The following PTPRD variants were observed in gnomAD, a reference collection of about 807,000 sequenced individuals.
PTPRD encodes protein tyrosine phosphatase receptor type D.
Under a neutral mutation model 214.5 loss-of-function variants are expected in PTPRD, and 34 were observed. The ratio of observed to expected loss-of-function variants is 0.16; its 90% CI spans 0.12 to 0.21. PTPRD has a LOEUF of 0.21. PTPRD is among the 10% of genes least tolerant of loss of function. The probability of loss-of-function intolerance (pLI) is 1.00; values close to 1 mark genes in which losing one functional copy is unlikely to be tolerated. For missense variants in PTPRD, 2,545 were observed against 2,398.7 expected (o/e 1.06, Z -1.27); for synonymous variants, 1,128 against 845.7 (o/e 1.33, Z -5.79).
chr9:9,302,628 G>C (rs1268554068), intron 9 of PTPRD, among the ~76,000 whole-genome samples: 1 of 99,652 alleles, frequency 1.0e-5, no homozygotes, highest in Non-Finnish European at 2.1e-5. Flanking sequence ...GTCTTTCCTG[G>C]TGTTCTGTCC....
intron 5 of PTPRD, among the ~76,000 whole-genome samples, chr9:9,927,136 A>G (rs1310823990): frequency 2.0e-5 from 3 of 152,190 alleles, no homozygotes; most frequent in Non-Finnish European, 4.4e-5. Flanking sequence ...CTTAACCAGT[A>G]TAAAATATTG....
intron 2 of PTPRD, among the ~76,000 whole-genome samples, chr9:10,578,646 G>C (rs1167026553): frequency 6.6e-6 from 1 of 152,078 alleles, no homozygotes; most frequent in African/African-American, 2.4e-5. Context: ...GTAAATAATT[G>C]AGATTTTGTC....
intron 9 of PTPRD, among the ~76,000 whole-genome samples, chr9:9,279,416 C>T (rs147707745): frequency 0.014 from 2,077 of 149,038 alleles, 26 homozygotes; most frequent in Middle Eastern, 0.043. Context: ...AGAATGCATT[C>T]GGTGCTACTG....
intron 3 of PTPRD, among the ~76,000 whole-genome samples, chr9:10,192,312 GC>G (rs1444145865): frequency 5.3e-5 from 8 of 151,916 alleles, no homozygotes; most frequent in Admixed American, 6.6e-5. Flanking sequence ...GTTTCATATG[GC>G]TGCTGTAAGA....
In PTPRD at chr9:9,935,746, C is replaced by CA. The variant is rs796128883; in HGVS notation, c.-368+2760dup. On this transcript the variant is annotated intron_variant, in intron 5 of 45. Coordinates refer to ENST00000381196, the MANE Select transcript of PTPRD (RefSeq NM_002839.4). Reference sequence around the variant, plus strand: ...AACTACTTTAAAGTTCATATGGAACCAAAAAAAAAGCCCGCATTGCCAAGT... The same window carrying CA: ...AACTACTTTAAAGTTCATATGGAACCAAAAAAAAAAGCCCGCATTGCCAAGT... 3.3e-3 allele frequency among the ~76,000 whole-genome samples: 479 copies of CA among 144,100 alleles called. 3 individuals carry two copies. Among genetic ancestry groups the CA allele is most frequent in the Admixed American group, 4.9e-3 (73 of 14,884 alleles). The allele number at this position is 144,100 out of a possible 152,430, so 94.5% of individuals were successfully genotyped here.
chr9:8,931,621 A>G (rs200408946), intron 11 of PTPRD, among the ~76,000 whole-genome samples: 1 of 151,982 alleles, frequency 6.6e-6, no homozygotes, highest in Admixed American at 6.6e-5. Flanking sequence ...ATTTGTTTGT[A>G]TCCTCTTTTA....
At chr9:8,662,975 T>C (rs1169632742) in intron 12 of PTPRD, among the ~76,000 whole-genome samples, 1 of 152,152 alleles carries the variant, frequency 6.6e-6, no homozygotes, top group Non-Finnish European at 1.5e-5. Flanking sequence ...GTGTCTGGAA[T>C]ATACAAATAA....
At chr9:8,389,451 A>T (rs2088592850) in intron 36 of PTPRD, 44 bp from the exon 37 acceptor site, 1 of 1,497,416 alleles carries the variant, frequency 6.7e-7, no homozygotes, top group Non-Finnish European at 9.1e-7. Context: ...GCACATCACA[A>T]GAGGAAACAG....
intron 11 of PTPRD, among the ~76,000 whole-genome samples, chr9:9,007,239 C>A (rs546756522): frequency 1.6e-4 from 24 of 150,796 alleles, no homozygotes; most frequent in Non-Finnish European, 3.4e-4. Flanking sequence ...AATTTAATTT[C>A]GATAGACTTC....
At chr9:9,117,125 A>C (rs1176226600) in intron 10 of PTPRD, among the ~76,000 whole-genome samples, 1 of 152,148 alleles carries the variant, frequency 6.6e-6, no homozygotes, top group African/African-American at 2.4e-5. Context: ...AGAAACTCTG[A>C]AGTAATTTTT....
intron 10 of PTPRD, among the ~76,000 whole-genome samples, chr9:9,108,979 C>G (rs1031367923): frequency 1.3e-5 from 2 of 152,156 alleles, no homozygotes; most frequent in African/African-American, 4.8e-5. Flanking sequence ...ATTTCCCTCT[C>G]CCCCACTCTT....
intron 5 of PTPRD, among the ~76,000 whole-genome samples, chr9:9,930,561 A>G (rs2086131278): frequency 6.6e-6 from 1 of 152,222 alleles, no homozygotes. Context: ...AAACAGAAGT[A>G]ACTTTGAATA....
At chr9:8,767,807 C>T (rs1198421439) in intron 11 of PTPRD, among the ~76,000 whole-genome samples, 1 of 151,904 alleles carries the variant, frequency 6.6e-6, no homozygotes, top group Admixed American at 6.6e-5. Context: ...CAGGTGATTC[C>T]AATGTATAAC....
intron 9 of PTPRD, among the ~76,000 whole-genome samples, chr9:9,393,714 A>G (rs1180274558): frequency 6.6e-6 from 1 of 152,150 alleles, no homozygotes; most frequent in African/African-American, 2.4e-5. Context: ...GAGTAGTTTA[A>G]GCTTTCTAAT....
rs368845235 is a variant in PTPRD, at chr9:9,423,040, C to G, written c.-236-25558G>C. Reference sequence around the variant, plus strand: ...AAACCAGAACAAAGCTGAGTCTAGACTTTGAAAATTCTAAACCTCATCCTC... The same window carrying G: ...AAACCAGAACAAAGCTGAGTCTAGAGTTTGAAAATTCTAAACCTCATCCTC... On this transcript the variant is annotated intron_variant, in intron 8 of 45. Transcript: ENST00000381196. Among the ~76,000 whole-genome samples, 42 of 152,244 alleles carry G rather than the reference C, an allele frequency of 2.8e-4. 1 individual carries two copies. The highest frequency in any genetic ancestry group is 9.6e-4 in the African/African-American group (40 of 41,548).
At chr9:9,823,410 C>T (rs1472613228) in intron 5 of PTPRD, among the ~76,000 whole-genome samples, 1 of 152,034 alleles carries the variant, frequency 6.6e-6, no homozygotes, top group East Asian at 1.9e-4. Flanking sequence ...CAGCACAAGC[C>T]TGGAGGGATC....
At chr9:9,586,289 T>G (rs922974563) in intron 7 of PTPRD, among the ~76,000 whole-genome samples, 1 of 152,062 alleles carries the variant, frequency 6.6e-6, no homozygotes, top group Non-Finnish European at 1.5e-5. Flanking sequence ...TGTCTCATCC[T>G]TCTACAACCA....
chr9:8,928,365 T>C (rs980275077), intron 11 of PTPRD, among the ~76,000 whole-genome samples: 1 of 152,034 alleles, frequency 6.6e-6, no homozygotes, highest in Non-Finnish European at 1.5e-5. Context: ...AATCCATCTT[T>C]CATTAATTTT....
At chr9:8,818,900 G>A (rs920058113) in intron 11 of PTPRD, among the ~76,000 whole-genome samples, 58 of 152,082 alleles carry the variant, frequency 3.8e-4, no homozygotes, top group African/African-American at 1.4e-3. Flanking sequence ...AATTACTCCC[G>A]AAGAGTTCCC....
Sources: allele counts gnomAD v4.1 joint callset (sites outside exome capture counted in the v4.1 genomes callset), GRCh38; gene constraint gnomAD v4.1.1; transcripts MANE v1.5; gene names NCBI Gene and HGNC (gene_info 2026-07-23, HGNC 2026-07-21).